The following NR3C2 variants were observed in gnomAD, a reference collection of about 807,000 sequenced individuals.
NR3C2 encodes the protein mineralocorticoid receptor.
In NR3C2, 15 loss-of-function variants were observed where a neutral mutation model predicts 86.4. The observed-to-expected ratio is 0.17, with a 90% CI of 0.12 to 0.27. The LOEUF is 0.27. Ranked by LOEUF, NR3C2 falls within the 10% of genes least tolerant of loss-of-function variation. The pLI is 1.00. For synonymous variants in NR3C2, 458 were observed against 450.5 expected (o/e 1.02, Z -0.21); for missense variants, 960 against 1,195.6 (o/e 0.80, Z 2.91).
rs1560967317 is a variant in NR3C2, at chr4:148,187,001, TATATATATATATATATA to T, written c.2014+7728_2014+7744del. Among the ~76,000 whole-genome samples, 20 of 15,144 alleles carry T rather than the reference TATATATATATATATATA, an allele frequency of 1.3e-3. 2 individuals carry two copies. Among genetic ancestry groups the T allele is most frequent in the Admixed American group, 4.2e-3 (7 of 1,664 alleles). The allele number at this position is 15,144 out of a possible 152,430, so 9.9% of individuals were successfully genotyped here. On this transcript the variant is annotated intron_variant, in intron 4 of 8. Coordinates refer to ENST00000358102, the MANE Select transcript of NR3C2 (RefSeq NM_000901.5). Reference sequence around the variant, plus strand: ...ATACTGATGTGTGTATGTATGTATATATATATATATATATATATATATATATATATATATATATATAT... The same window carrying T: ...ATACTGATGTGTGTATGTATGTATATTATATATATATATATATATATATAT...
At chr4:148,198,283 T>C (rs1323736572) in intron 3 of NR3C2, among the ~76,000 whole-genome samples, 1 of 152,224 alleles carries the variant, frequency 6.6e-6, no homozygotes. Context: ...GTTAATCTCA[T>C]TATTTTAAAA....
chr4:148,121,409 C>T (rs1732500382), intron 6 of NR3C2, among the ~76,000 whole-genome samples: 1 of 152,152 alleles, frequency 6.6e-6, no homozygotes, highest in South Asian at 2.1e-4. Flanking sequence ...AAGATAGAAG[C>T]CATTTTAAAT....
intron 2 of NR3C2, among the ~76,000 whole-genome samples, chr4:148,261,292 TAAGTGCTATGGTGCGCTATGGTAA>T: frequency 9.0e-6 from 1 of 111,106 alleles, no homozygotes; most frequent in Admixed American, 1.0e-4. Context: ...AGCGCTATGG[TAAGTGCTATGGTGCGCTATGGTAA>T]GCGCTATGGT....
chr4:148,445,005 C>G (rs1486122685), upstream of NR3C2: 22 of 984,564 alleles, frequency 2.2e-5, no homozygotes, highest in Non-Finnish European at 2.5e-5. Context: ...CTGCGCCCCC[C>G]TCCCCGGGTC....
chr4:148,387,954 GTCAGAATATGAACACA>G (rs1408286555), intron 2 of NR3C2, among the ~76,000 whole-genome samples: 1 of 152,178 alleles, frequency 6.6e-6, no homozygotes, highest in African/African-American at 2.4e-5. Context: ...CAGAAACCTG[GTCAGAATATGAACACA>G]TCACTGAAAA....
chr4:148,175,901 C>T (rs545120587), intron 4 of NR3C2, among the ~76,000 whole-genome samples: 8 of 152,302 alleles, frequency 5.3e-5, no homozygotes, highest in South Asian at 4.1e-4. Context: ...GAGGCTGAGG[C>T]GGGAGGATCA....
intron 3 of NR3C2, among the ~76,000 whole-genome samples, chr4:148,229,145 A>T (rs141467917): frequency 7.7e-4 from 117 of 152,228 alleles, no homozygotes; most frequent in African/African-American, 2.7e-3. Flanking sequence ...AGATAAGGGA[A>T]CCTGCACAGG....
At chr4:148,233,677 G>A (rs1038257847) in intron 3 of NR3C2, among the ~76,000 whole-genome samples, 1 of 152,106 alleles carries the variant, frequency 6.6e-6, no homozygotes, top group African/African-American at 2.4e-5. Context: ...GAACAGCAAC[G>A]TCTGAGGAGA....
At chr4:148,277,250 T>C (rs745362276) in intron 2 of NR3C2, among the ~76,000 whole-genome samples, 1 of 152,198 alleles carries the variant, frequency 6.6e-6, no homozygotes, top group Admixed American at 6.5e-5. Flanking sequence ...GTCTGTTACT[T>C]TGCAATATTA....
At chr4:148,295,774 C>T (rs1348376380) in intron 2 of NR3C2, among the ~76,000 whole-genome samples, 1 of 151,816 alleles carries the variant, frequency 6.6e-6, no homozygotes, top group Admixed American at 6.6e-5. Context: ...CTTCACATCA[C>T]CACATCTCCC....
intron 2 of NR3C2, among the ~76,000 whole-genome samples, chr4:148,397,770 G>C (rs1406670254): frequency 6.6e-6 from 1 of 152,186 alleles, no homozygotes; most frequent in East Asian, 1.9e-4. Context: ...AATGGAAGCT[G>C]TCGCCTAAAC....
chr4:148,178,449 G>A (rs529958170), intron 4 of NR3C2, among the ~76,000 whole-genome samples: 4 of 151,652 alleles, frequency 2.6e-5, no homozygotes, highest in Admixed American at 6.6e-5. Flanking sequence ...CATAAAATAC[G>A]TAAATAAAAA....
At chr4:148,325,607 C>G (rs955889325) in intron 2 of NR3C2, among the ~76,000 whole-genome samples, 1 of 152,158 alleles carries the variant, frequency 6.6e-6, no homozygotes, top group Non-Finnish European at 1.5e-5. Flanking sequence ...CTACCAAGTG[C>G]GTTACTGCAT....
At chr4:148,269,012 T>C (rs1740534041) in intron 2 of NR3C2, among the ~76,000 whole-genome samples, 3 of 152,162 alleles carry the variant, frequency 2.0e-5, no homozygotes, top group African/African-American at 7.2e-5. Context: ...AAGGCTGGAA[T>C]GTAACTTAAA....
chr4:148,285,152 G>T (rs1285612654), intron 2 of NR3C2, among the ~76,000 whole-genome samples: 3 of 152,200 alleles, frequency 2.0e-5, no homozygotes, highest in African/African-American at 7.2e-5. Context: ...CTGAAAAAGT[G>T]CACTGGGGGT....
At chr4:148,364,744 C>T (rs1477834051) in intron 2 of NR3C2, among the ~76,000 whole-genome samples, 2 of 151,860 alleles carry the variant, frequency 1.3e-5, no homozygotes, top group Non-Finnish European at 2.9e-5. Flanking sequence ...TGTCCAAGGT[C>T]ACACAGTGAG....
chr4:148,175,437 C>G (rs1735330818), intron 4 of NR3C2, among the ~76,000 whole-genome samples: 1 of 152,134 alleles, frequency 6.6e-6, no homozygotes, highest in African/African-American at 2.4e-5. Flanking sequence ...GAGAACTGTT[C>G]AACAGGATGG....
At chr4:148,156,916 C>A (rs1380701590) in intron 4 of NR3C2, among the ~76,000 whole-genome samples, 22 of 151,834 alleles carry the variant, frequency 1.4e-4, no homozygotes, top group African/African-American at 5.3e-4. Context: ...AAATGTCCAA[C>A]AATGATAGAC....
At chr4:148,372,048 A>C (rs1018067760) in intron 2 of NR3C2, among the ~76,000 whole-genome samples, 1 of 152,164 alleles carries the variant, frequency 6.6e-6, no homozygotes, top group Admixed American at 6.5e-5. Flanking sequence ...ATGTATAAAA[A>C]TCTCATGTCC....
Sources: gnomAD v4.1 joint callset for allele counts (sites outside exome capture counted in the v4.1 genomes callset) on GRCh38, gnomAD v4.1.1 for gene constraint, MANE v1.5 for transcripts, NCBI Gene and HGNC (gene_info 2026-07-23, HGNC 2026-07-21) for gene names.